The following ITSN1 variants were observed in gnomAD, a reference collection of about 807,000 sequenced individuals.
ITSN1 encodes the protein intersectin-1.
Under a neutral mutation model 239.8 loss-of-function variants are expected in ITSN1, and 58 were observed. The observed-to-expected ratio is 0.24, with a 90% CI of 0.20 to 0.30. The LOEUF (loss-of-function observed/expected upper bound fraction) is 0.30. Among genes scored for constraint, ITSN1 ranks in the 10% least tolerant of loss-of-function variants. The probability of loss-of-function intolerance (pLI) is 1.00; values close to 1 mark genes in which losing one functional copy is unlikely to be tolerated. For synonymous variants in ITSN1, 780 were observed against 770.8 expected (o/e 1.01, Z -0.20); for missense variants, 1,558 against 2,103.3 (o/e 0.74, Z 5.07).
intron 1 of ITSN1, among the ~76,000 whole-genome samples, chr21:33,717,729 T>TTG (rs397952129): frequency 0.25 from 37,477 of 151,452 alleles, 5,163 homozygotes; most frequent in East Asian, 0.51. Flanking sequence ...CTAATTTTTT[T>TTG]TGTGTGTGTG....
At chr21:33,719,312 G>A (rs1430737601) in intron 2 of ITSN1, among the ~76,000 whole-genome samples, 2 of 152,136 alleles carry the variant, frequency 1.3e-5, no homozygotes, top group African/African-American at 4.8e-5. Flanking sequence ...GTGGTGGCAG[G>A]CACCTGTAGT....
At chr21:33,851,027 G>A (rs1272265190) in intron 29 of ITSN1, among the ~76,000 whole-genome samples, 1 of 152,160 alleles carries the variant, frequency 6.6e-6, no homozygotes, top group Non-Finnish European at 1.5e-5. Context: ...AAAAGGGAAA[G>A]GTAGATCCTT....
At chr21:33,827,642 T>A (rs1465236940) in intron 26 of ITSN1, among the ~76,000 whole-genome samples, 1 of 152,172 alleles carries the variant, frequency 6.6e-6, no homozygotes, top group African/African-American at 2.4e-5. Flanking sequence ...TCGGTACACA[T>A]TGAAGGTACA....
chr21:33,869,788 G>T (rs1323628219), intron 33 of ITSN1, among the ~76,000 whole-genome samples: 1 of 152,040 alleles, frequency 6.6e-6, no homozygotes, highest in Non-Finnish European at 1.5e-5. Context: ...CTACTGGGGT[G>T]ATTTTGTTTT....
intron 6 of ITSN1, 79 bp from the exon 7 acceptor site, chr21:33,751,731 T>G (rs1313093729): frequency 7.5e-6 from 8 of 1,063,914 alleles, no homozygotes; most frequent in Non-Finnish European, 1.2e-5. Context: ...ATTTGTTGAC[T>G]GTGCATTTTA....
intron 1 of ITSN1, among the ~76,000 whole-genome samples, chr21:33,704,783 G>A (rs146019773): frequency 4.6e-5 from 7 of 151,920 alleles, no homozygotes; most frequent in African/African-American, 9.6e-5. Context: ...TAAGGACCTC[G>A]AAATCAGTTG....
chr21:33,882,537 A>G lies in ITSN1; in HGVS notation c.4554+82A>G. On this transcript the variant is annotated intron_variant, in intron 35 of 39. Coordinates refer to ENST00000381318, the MANE Select transcript of ITSN1 (RefSeq NM_003024.3). The surrounding 1 kb of genome is among the most constrained non-coding windows in gnomAD (Gnocchi z 4.5). ...GTTTCCAAAAAGGAGGTAGAGTTTT[A>G]GCAGGGTCAGGGGCTGTGGCATGCA... 4 of 1,226,842 alleles carry G rather than the reference A, an allele frequency of 3.3e-6. No individual in the cohort carries two copies. The highest frequency in any genetic ancestry group is 4.6e-6 in the Non-Finnish European group (4 of 861,884). The allele number at this position is 1,226,842 out of a possible 1,614,324, so 76.0% of individuals were successfully genotyped here.
chr21:33,721,332 C>CT (rs2065468293), intron 3 of ITSN1, 62 bp downstream of exon 3: 27 of 1,083,494 alleles, frequency 2.5e-5, no homozygotes, highest in South Asian at 2.1e-4. Flanking sequence ...TGTGGAAACT[C>CT]TATCATGCAA....
chr21:33,819,888 A>C (rs1372851137), intron 24 of ITSN1, among the ~76,000 whole-genome samples: 2 of 152,228 alleles, frequency 1.3e-5, no homozygotes, highest in African/African-American at 4.8e-5. Flanking sequence ...AGGCTGAGGC[A>C]GGAGAATGGC....
chr21:33,671,813 A>G (rs1186212342), intron 1 of ITSN1, among the ~76,000 whole-genome samples: 1 of 152,126 alleles, frequency 6.6e-6, no homozygotes, highest in Non-Finnish European at 1.5e-5. Flanking sequence ...TAAATAAATA[A>G]ATAACTTACA....
chr21:33,845,222 G>A (rs778930462), intron 29 of ITSN1, among the ~76,000 whole-genome samples: 20 of 142,316 alleles, frequency 1.4e-4, no homozygotes, highest in Non-Finnish European at 2.3e-4. Context: ...AGGATGGCCC[G>A]AGAAAGCTCT....
At chr21:33,843,985 C>G (rs1235725569) in intron 29 of ITSN1, among the ~76,000 whole-genome samples, 3 of 152,154 alleles carry the variant, frequency 2.0e-5, no homozygotes. Flanking sequence ...TTCATTAAAC[C>G]AAAACAGCAG....
intron 39 of ITSN1, among the ~76,000 whole-genome samples, chr21:33,886,846 C>T (rs577458148): frequency 2.1e-4 from 32 of 152,182 alleles, no homozygotes; most frequent in African/African-American, 7.2e-4. Context: ...CAACAGGAGC[C>T]GCAGAATGGG....
intron 19 of ITSN1, among the ~76,000 whole-genome samples, chr21:33,800,294 C>A (rs1301893921): frequency 6.6e-6 from 1 of 150,778 alleles, no homozygotes; most frequent in Non-Finnish European, 1.5e-5. Flanking sequence ...TACTAGTGTG[C>A]GTGTGTATAT....
intron 1 of ITSN1, among the ~76,000 whole-genome samples, chr21:33,646,480 A>G (rs567253933): frequency 2.4e-3 from 362 of 152,302 alleles, no homozygotes; most frequent in Non-Finnish European, 4.4e-3. Context: ...TTTTCATACT[A>G]ATAAAATTTG....
At position 33,888,328 on chromosome 21, in the gene ITSN1, G is replaced by A; in HGVS notation, c.*28G>A. 1 of 1,587,902 alleles carries A rather than the reference G, an allele frequency of 6.3e-7. No homozygotes were observed. Among genetic ancestry groups the A allele is most frequent in the Non-Finnish European group, 8.6e-7 (1 of 1,165,806 alleles). On this transcript the variant is annotated 3_prime_UTR_variant, in exon 40 of 40. Transcript: ENST00000381318. ...AGCGGGCTCAGGGTGTGCTCAGCAG[G>A]GTCCCAGCCCACGGCCACACATGCT...
chr21:33,664,887 G>A (rs1029462485), intron 1 of ITSN1, among the ~76,000 whole-genome samples: 40 of 152,010 alleles, frequency 2.6e-4, no homozygotes, highest in African/African-American at 9.4e-4. Context: ...TGGAAGCTTC[G>A]CCATTTGTTT....
chr21:33,768,306 G>T (rs2068865337), intron 11 of ITSN1, among the ~76,000 whole-genome samples: 1 of 151,930 alleles, frequency 6.6e-6, no homozygotes, highest in Non-Finnish European at 1.5e-5. Context: ...TTTTGAGATG[G>T]AGTCTCACTC....
intron 1 of ITSN1, among the ~76,000 whole-genome samples, chr21:33,647,492 T>C (rs1438209218): frequency 2.0e-5 from 3 of 152,124 alleles, no homozygotes; most frequent in African/African-American, 7.2e-5. Context: ...TATGGTAGTT[T>C]TTTTTTTAAT....
Sources: allele counts gnomAD v4.1 joint callset (sites outside exome capture counted in the v4.1 genomes callset), GRCh38; gene constraint gnomAD v4.1.1; non-coding constraint Gnocchi (gnomAD v3.1); transcripts MANE v1.5; gene names NCBI Gene and HGNC (gene_info 2026-07-23, HGNC 2026-07-21).